Variants in IL5RA observed in about 807,000 individuals in gnomAD.
IL5RA encodes the protein interleukin 5 receptor subunit alpha, also known as interleukin-5 receptor subunit alpha.
A neutral mutation model predicts 50.0 loss-of-function variants in IL5RA; 49 were observed. The observed-to-expected ratio is 0.98, with a 90% CI of 0.78 to 1.24. The LOEUF is 1.24. Among genes scored for constraint, IL5RA ranks in the 50% most tolerant of loss-of-function variants. The pLI, the probability that IL5RA is intolerant of heterozygous loss-of-function variation, is 0.00. For synonymous variants in IL5RA, 202 were observed against 174.0 expected (o/e 1.16, Z -1.26); for missense variants, 600 against 500.4 (o/e 1.20, Z -1.90).
intron 8 of IL5RA, among the ~76,000 whole-genome samples, chr3:3,094,259 CA>C (rs1703257879): frequency 6.6e-6 from 1 of 152,180 alleles, no homozygotes; most frequent in South Asian, 2.1e-4. Context: ...ACCCATTAAA[CA>C]ATACCTCTCC....
At chr3:3,072,990 AGGCACCAAAGCTCCACCCTGG>A (rs1051830751) in intron 11 of IL5RA, among the ~76,000 whole-genome samples, 2 of 152,180 alleles carry the variant, frequency 1.3e-5, no homozygotes, top group Non-Finnish European at 2.9e-5. Context: ...CATCCAGAAC[AGGCACCAAAGCTCCACCCTGG>A]GGCCCACTCT....
At chr3:3,075,842 C>T (rs1702461297) in intron 10 of IL5RA, among the ~76,000 whole-genome samples, 1 of 152,254 alleles carries the variant, frequency 6.6e-6, no homozygotes, top group East Asian at 1.9e-4. Context: ...CCTCATGGTC[C>T]ACCCGCTGTG....
chr3:3,104,354 T>G (rs1336493445), intron 3 of IL5RA, among the ~76,000 whole-genome samples: 1 of 152,188 alleles, frequency 6.6e-6, no homozygotes, highest in Non-Finnish European at 1.5e-5. Context: ...TAATTTAAAT[T>G]CATTACCTTA....
chr3:3,087,327 AC>A (rs1200529651), intron 9 of IL5RA, among the ~76,000 whole-genome samples: 1 of 151,764 alleles, frequency 6.6e-6, no homozygotes, highest in Non-Finnish European at 1.5e-5. Flanking sequence ...TGCTAACTAT[AC>A]CCCCTCCCTG....
In IL5RA at chr3:3,082,279, A is replaced by C. The variant is rs535287391; in HGVS notation, c.995-5652T>G. Among the ~76,000 whole-genome samples, 112 of 152,334 alleles carry C rather than the reference A, an allele frequency of 7.4e-4. No homozygotes were observed. In the Middle Eastern group the frequency reaches 0.014, roughly 19 times the overall value. ...CTCCAACCTTGGAGATTAAAAAAAA[A>C]GTATTTCGAGGTAATTTGACTCTCT... On this transcript the variant is annotated intron_variant, in intron 9 of 11. Coordinates refer to ENST00000446632, the MANE Select transcript of IL5RA (RefSeq NM_175726.4).
rs1450032575 is a variant in IL5RA, at chr3:3,066,975, T to G, written c.*3250A>C. 1.3e-5 allele frequency: 2 copies of G among 152,214 alleles called. No homozygotes were observed. Among genetic ancestry groups the G allele is most frequent in the African/African-American group, 4.8e-5 (2 of 41,448 alleles). The allele number at this position is 152,214 out of a possible 1,614,324, so 9.4% of individuals were successfully genotyped here. On this transcript the variant is annotated 3_prime_UTR_variant, in exon 12 of 12. Coordinates refer to ENST00000446632, the MANE Select transcript of IL5RA (RefSeq NM_175726.4). ...GGCTGTGGAGGCTCTAGGAGAAAAGTGACTCTCTACACTCGTCCTAGTGAG... is the reference window on the plus strand; with the variant it reads ...GGCTGTGGAGGCTCTAGGAGAAAAGGGACTCTCTACACTCGTCCTAGTGAG...
chr3:3,081,366 C>A (rs1702660135), intron 9 of IL5RA, among the ~76,000 whole-genome samples: 1 of 152,182 alleles, frequency 6.6e-6, no homozygotes, highest in Non-Finnish European at 1.5e-5. Context: ...ATGCTCGTAA[C>A]CATTATGCAA....
chr3:3,076,261 C>T (rs1233843801), intron 10 of IL5RA, among the ~76,000 whole-genome samples: 12 of 152,182 alleles, frequency 7.9e-5, no homozygotes, highest in Non-Finnish European at 1.2e-4. Flanking sequence ...TAGAAACCTT[C>T]ACAGAAATTA....
rs772873077 is a variant in IL5RA, at chr3:3,070,353, C to G, written c.1177-42G>C. 19 of 1,291,110 alleles carry G rather than the reference C, an allele frequency of 1.5e-5. No homozygotes were observed. The South Asian group carries it at 2.3e-4, about 15-fold the overall frequency. 80.0% of individuals were successfully genotyped at this position (1,291,110 alleles called of 1,614,324 possible). A position where few individuals can be genotyped will look rare whatever the true frequency, so the allele number is the denominator to read the frequency against. The stretch of plus-strand genomic sequence containing the variant: ...CTTTCCTTAGATGTCTTTTAGAGAA[C>G]TTTTGGGTTCTTTGAAATCTTTACA... On this transcript the variant is annotated intron_variant, in intron 11 of 11. Transcript: ENST00000446632.
chr3:3,092,142 C>G lies in IL5RA; in HGVS notation c.994+82G>C, dbSNP rs144263907. The G allele has an allele frequency of 1.3e-6, 2 of 1,554,224 alleles. No homozygotes were observed. Among genetic ancestry groups the G allele is most frequent in the Admixed American group, 2.0e-5 (1 of 51,062 alleles). ...AGATATGAAACCATTTTAAGACCCA[C>G]GAGTGAACGGGTACGTTTCTGGGAT... On this transcript the variant is annotated intron_variant, in intron 9 of 11. Transcript: ENST00000446632. This position sits in a 1 kb window ranked among gnomAD's most constrained non-coding sequence, Gnocchi z 4.2.
chr3:3,073,734 ACAACT>A (rs753648570), intron 11 of IL5RA: 7 of 436,900 alleles, frequency 1.6e-5, no homozygotes, highest in South Asian at 1.0e-4. Context: ...AAATTAACTG[ACAACT>A]CAACACAATC....
At chr3:3,096,226 C>T (rs931896913) in intron 7 of IL5RA, among the ~76,000 whole-genome samples, 6 of 150,516 alleles carry the variant, frequency 4.0e-5, no homozygotes, top group Non-Finnish European at 7.4e-5. Flanking sequence ...TGCAGTGAGC[C>T]GAGATCGCGC....
intron 9 of IL5RA, among the ~76,000 whole-genome samples, chr3:3,087,938 G>A (rs1335011362): frequency 3.3e-5 from 5 of 152,126 alleles, no homozygotes; most frequent in Non-Finnish European, 1.5e-5. Flanking sequence ...ATTCACTAAT[G>A]ATCCTAAACT....
Position 3,081,672 on chromosome 3 carries a change from T to G in IL5RA, c.995-5045A>C, listed in dbSNP as rs541582356. ...AAAAATCTTTTCAGTTAAACCACTC[T>G]CAAGTTATTCACTTCAGCCCTCACT... On this transcript the variant is annotated intron_variant, in intron 9 of 11. Coordinates refer to ENST00000446632, the MANE Select transcript of IL5RA (RefSeq NM_175726.4). Among the ~76,000 whole-genome samples the G allele has an allele frequency of 3.3e-5, 5 of 152,334 alleles. No individual in the cohort carries two copies. The South Asian group carries it at 1.0e-3, about 32-fold the overall frequency.
At position 3,066,756 on chromosome 3, in the gene IL5RA, A is replaced by T. The variant is rs1197996274; in HGVS notation, c.*3469T>A. ...CGTGGATTCTTCCCCAGCCTGCATG[A>T]ATAGCTTGAGGTCTGAGGCATTTCA... On this transcript the variant is annotated 3_prime_UTR_variant, in exon 12 of 12. Transcript: ENST00000446632. 1 of 152,210 alleles carries T rather than the reference A, an allele frequency of 6.6e-6. No individual in the cohort carries two copies. The highest frequency in any genetic ancestry group is 6.5e-5 in the Admixed American group (1 of 15,278). The allele number at this position is 152,210 out of a possible 1,614,324, so 9.4% of individuals were successfully genotyped here.
At position 3,095,180 on chromosome 3, in the gene IL5RA, GTTAAC is replaced by G. The variant is rs1256842766; in HGVS notation, c.855+114_855+118del. ...TATCTATAATACCTGGGTAGATTAA[GTTAAC>G]TTTGACCTTGTTAGTACCAAGCTGT... On this transcript the variant is annotated intron_variant, in intron 8 of 11. Transcript: ENST00000446632. The G allele has an allele frequency of 5.7e-6, 4 of 702,980 alleles. No individual in the cohort carries two copies. The Admixed American group carries it at 1.1e-4, about 20-fold the overall frequency. The allele number at this position is 702,980 out of a possible 1,614,324, so 43.5% of individuals were successfully genotyped here. A position where few individuals can be genotyped will look rare whatever the true frequency, so the allele number is the denominator to read the frequency against.
At position 3,099,921 on chromosome 3, in the gene IL5RA, C is replaced by T. The variant is rs572440671; in HGVS notation, c.368-1631G>A. On this transcript the variant is annotated intron_variant, in intron 5 of 11. Transcript: ENST00000446632. ...TTAACCTCAAGTGATCTACCCGCCT[C>T]GGCCTCCCAAAGTGCTGGGATTACA... Among the ~76,000 whole-genome samples the T allele has an allele frequency of 1.1e-4, 16 of 152,254 alleles. No individual in the cohort carries two copies. In the South Asian group the frequency reaches 1.9e-3, roughly 18 times the overall value.
chr3:3,088,626 T>C (rs1416476255), intron 9 of IL5RA, among the ~76,000 whole-genome samples: 1 of 152,206 alleles, frequency 6.6e-6, no homozygotes, highest in Admixed American at 6.5e-5. Context: ...CGTTCTAAAT[T>C]CTCTACAGTC....
intron 9 of IL5RA, among the ~76,000 whole-genome samples, chr3:3,087,464 A>G (rs1159541133): frequency 6.6e-6 from 1 of 152,200 alleles, no homozygotes; most frequent in Non-Finnish European, 1.5e-5. Context: ...TTTAAATTAA[A>G]TAACCTTGGG....
Sources: allele counts gnomAD v4.1 joint callset (sites outside exome capture counted in the v4.1 genomes callset), GRCh38; gene constraint gnomAD v4.1.1; non-coding constraint Gnocchi (gnomAD v3.1); transcripts MANE v1.5; gene names NCBI Gene and HGNC (gene_info 2026-07-23, HGNC 2026-07-21).